Variants in EMILIN2 observed in about 807,000 individuals in gnomAD.
The protein encoded by EMILIN2 is EMILIN-2.
A neutral mutation model predicts 87.1 loss-of-function variants in EMILIN2; 71 were observed. The observed-to-expected ratio is 0.82, with a 90% CI of 0.67 to 0.99. The LOEUF (loss-of-function observed/expected upper bound fraction) is 0.99. EMILIN2 is among the 50% of genes least tolerant of loss of function. EMILIN2 has a pLI of 0.00. For synonymous variants in EMILIN2, 581 were observed against 563.4 expected (o/e 1.03, Z -0.44); for missense variants, 1,407 against 1,371.8 (o/e 1.03, Z -0.40).
rs1328941910 is a variant in EMILIN2 at position 2,913,177 on chromosome 18, C to CAGCT, written c.2936_2939dup (p.His981AlafsTer56). On this transcript the variant is annotated frameshift_variant, in exon 8 of 8. Transcript: ENST00000254528. LOFTEE classifies it high-confidence loss of function. ...GTCGGTCTCCAACGCCAGCGTGGCC[C>CAGCT]AGCTGCATACCGCTGGGTACAGGAG... is the stretch of plus-strand genomic sequence containing the variant. 6.2e-7 allele frequency: 1 copy of CAGCT among 1,614,022 alleles called. No individual in the cohort carries two copies. Among genetic ancestry groups the CAGCT allele is most frequent in the Non-Finnish European group, 8.5e-7 (1 of 1,180,008 alleles).
chr18:2,909,433 A>T (rs1430378447), intron 6 of EMILIN2, among the ~76,000 whole-genome samples: 1 of 152,188 alleles, frequency 6.6e-6, no homozygotes, highest in African/African-American at 2.4e-5. Context: ...CTCATCTCAT[A>T]TGCTTACATG....
At chr18:2,899,835 A>C (rs2076880636) in intron 4 of EMILIN2, among the ~76,000 whole-genome samples, 1 of 152,220 alleles carries the variant, frequency 6.6e-6, no homozygotes, top group Non-Finnish European at 1.5e-5. Context: ...AAATTTAAAA[A>C]TTCCAAGAGC....
chr18:2,910,786 T>C (rs1169532492), intron 7 of EMILIN2, among the ~76,000 whole-genome samples: 7 of 152,268 alleles, frequency 4.6e-5, no homozygotes, highest in Non-Finnish European at 8.8e-5. Flanking sequence ...AAATCCCATC[T>C]GTCCTTAGTC....
chr18:2,897,266 T>A (rs755646707), intron 4 of EMILIN2, among the ~76,000 whole-genome samples: 3 of 152,202 alleles, frequency 2.0e-5, no homozygotes, highest in Non-Finnish European at 4.4e-5. Flanking sequence ...TCCATGCTTG[T>A]AAACAGTGGA....
In EMILIN2 at chr18:2,878,212, G is replaced by A. The variant is rs143998504; in HGVS notation, c.258-6752G>A. 4.4e-3 allele frequency among the ~76,000 whole-genome samples: 667 copies of A among 152,260 alleles called. 8 individuals carry two copies. Among genetic ancestry groups the A allele is most frequent in the African/African-American group, 0.015 (630 of 41,548 alleles). On this transcript the variant is annotated intron_variant, in intron 2 of 7. Transcript: ENST00000254528. ...TTAAGATGCTAAATTTCAGGTGGCC[G>A]GGTGTGGTGGCTCACACCTGTAATC...
chr18:2,873,471 GC>G (rs2076731195), intron 2 of EMILIN2, among the ~76,000 whole-genome samples: 1 of 151,722 alleles, frequency 6.6e-6, no homozygotes, highest in Non-Finnish European at 1.5e-5. Flanking sequence ...ACTTTGGGAG[GC>G]CGAGGCGGGT....
Position 2,905,780 on chromosome 18 carries a change from T to G in EMILIN2, c.2360-1003T>G, listed in dbSNP as rs1377132954. Among the ~76,000 whole-genome samples the G allele has an allele frequency of 1.0e-3, 115 of 113,426 alleles. 2 individuals carry two copies. The South Asian group carries it at 0.015, about 15-fold the overall frequency. 74.4% of individuals were successfully genotyped at this position (113,426 alleles called of 152,430 possible). On this transcript the variant is annotated intron_variant, in intron 4 of 7. Coordinates refer to ENST00000254528, the MANE Select transcript of EMILIN2 (RefSeq NM_032048.3). The stretch of plus-strand genomic sequence containing the variant: ...ACTACCCCGGGCTAATTTTTGTTTT[T>G]TTGTTTTTTTTTTTTGGATATTTGG...
intron 2 of EMILIN2, among the ~76,000 whole-genome samples, chr18:2,859,556 A>G (rs1194243586): frequency 6.6e-6 from 1 of 152,148 alleles, no homozygotes; most frequent in African/African-American, 2.4e-5. Context: ...TTTGCCTTGC[A>G]AAAGCTCTTT....
chr18:2,886,515 A>C (rs1345190227), intron 3 of EMILIN2, among the ~76,000 whole-genome samples: 1 of 152,174 alleles, frequency 6.6e-6, no homozygotes, highest in Admixed American at 6.5e-5. Flanking sequence ...ATTTACCTCC[A>C]TATCTATTGG....
chr18:2,848,419 T>A lies in EMILIN2; in HGVS notation c.257+488T>A, dbSNP rs188863340. On this transcript the variant is annotated intron_variant, in intron 2 of 7. Transcript: ENST00000254528. This position sits in a 1 kb window ranked among gnomAD's most constrained non-coding sequence, Gnocchi z 4.1. Reference sequence around the variant, plus strand: ...GTCCCCATAAAACGGAATCTTCCAGTTTTGTAGATGTCTAAGCTAAAACCT... The same window carrying A: ...GTCCCCATAAAACGGAATCTTCCAGATTTGTAGATGTCTAAGCTAAAACCT... 6.6e-6 allele frequency among the ~76,000 whole-genome samples: 1 copy of A among 152,008 alleles called. No homozygotes were observed. The highest frequency in any genetic ancestry group is 1.5e-5 in the Non-Finnish European group (1 of 68,008).
chr18:2,877,234 G>T (rs933500252), intron 2 of EMILIN2, among the ~76,000 whole-genome samples: 3 of 152,188 alleles, frequency 2.0e-5, no homozygotes, highest in Non-Finnish European at 4.4e-5. Flanking sequence ...GGACAAAGTA[G>T]ATTCAAATGG....
At position 2,913,131 on chromosome 18, in the gene EMILIN2, C is replaced by G; in HGVS notation, c.2889C>G (p.Asp963Glu). 6.2e-7 allele frequency: 1 copy of G among 1,613,832 alleles called. No individual in the cohort carries two copies. ...CGGCCACCCTCACCCCCGAGAGAGA[C>G]GCCTACGTGGAAGCAGTGCTGTCGG... ...LITATLTPER[D>E]AYVEAVLSVS... The change falls in exon 8 of 8, where the codon GAC becomes GAG. Residue 963 changes from aspartate (D) to glutamate (E), a missense_variant. Asp to Glu is a conservative substitution (Grantham distance 45). Coordinates refer to ENST00000254528, the MANE Select transcript of EMILIN2 (RefSeq NM_032048.3).
chr18:2,909,033 C>T, intron 6 of EMILIN2, 58 bp downstream of exon 6: 1 of 1,593,540 alleles, frequency 6.3e-7, no homozygotes, highest in Non-Finnish European at 8.6e-7. Context: ...GCCTCTGCCC[C>T]TCCTCTGCAT....
chr18:2,895,215 G>T (rs1397568210), intron 4 of EMILIN2, among the ~76,000 whole-genome samples: 1 of 152,012 alleles, frequency 6.6e-6, no homozygotes, highest in Non-Finnish European at 1.5e-5. Flanking sequence ...ACCCACAGTG[G>T]AAGTCAGGGA....
chr18:2,847,981 TG>T lies in EMILIN2; in HGVS notation c.257+55del. 1 of 1,119,708 alleles carries T rather than the reference TG, an allele frequency of 8.9e-7. No individual in the cohort carries two copies. Among genetic ancestry groups the T allele is most frequent in the South Asian group, 1.4e-5 (1 of 70,608 alleles). The allele number at this position is 1,119,708 out of a possible 1,614,324, so 69.4% of individuals were successfully genotyped here. On this transcript the variant is annotated intron_variant, in intron 2 of 7. Coordinates refer to ENST00000254528, the MANE Select transcript of EMILIN2 (RefSeq NM_032048.3). This position sits in a 1 kb window ranked among gnomAD's most constrained non-coding sequence, Gnocchi z 4.5. ...GCGGGGCGCGCCCGGGCCGGGGCGG[TG>T]GGGGTGGGGTGGGGTTGCTGCGCTG...
At chr18:2,902,055 T>G (rs371536423) in intron 4 of EMILIN2, among the ~76,000 whole-genome samples, 5 of 152,338 alleles carry the variant, frequency 3.3e-5, no homozygotes, top group African/African-American at 1.2e-4. Flanking sequence ...GTGTAACAAG[T>G]CTGGGTGTTG....
chr18:2,885,273 C>A, intron 3 of EMILIN2, 134 bp downstream of exon 3: 1 of 916,898 alleles, frequency 1.1e-6, no homozygotes, highest in Non-Finnish European at 1.5e-6. Flanking sequence ...CCTGCAGTAG[C>A]CACATGTGAC....
At chr18:2,884,876 G>T in intron 2 of EMILIN2, 88 bp from the exon 3 acceptor site, 1 of 1,417,618 alleles carries the variant, frequency 7.1e-7, no homozygotes, top group Non-Finnish European at 9.5e-7. Context: ...GGTCCTGCAT[G>T]CCCTGAGTCC....
Position 2,847,228 on chromosome 18 carries a change from C to A in EMILIN2, c.40C>A (p.Arg14Ser), listed in dbSNP as rs572220705. 1.4e-3 allele frequency: 1,728 copies of A among 1,258,542 alleles called. 16 individuals are homozygous for A. In the African/African-American group the frequency reaches 0.025, roughly 18 times the overall value. The allele number at this position is 1,258,542 out of a possible 1,614,324, so 78.0% of individuals were successfully genotyped here. Residue 14 changes from arginine to serine, a missense_variant, in exon 1 of 8, where the codon CGC (arginine) becomes AGC (serine). By Grantham distance (110) the Arg-to-Ser change is moderately radical. Transcript: ENST00000254528. The surrounding 1 kb of genome is among the most constrained non-coding windows in gnomAD (Gnocchi z 4.5). ...ACGGCCCTGGCCCCGCGTGCCCTGG[C>A]GCTGGGCGCTGGCGCTGCTGGCCCT... ...PRRPWPRVPW[R>S]WALALLALVG...
Sources: allele counts gnomAD v4.1 joint callset (sites outside exome capture counted in the v4.1 genomes callset), GRCh38; gene constraint gnomAD v4.1.1; non-coding constraint Gnocchi (gnomAD v3.1); transcripts MANE v1.5; gene names NCBI Gene and HGNC (gene_info 2026-07-23, HGNC 2026-07-21).